The following MCTP2 variants were observed in gnomAD, a reference collection of about 807,000 sequenced individuals.
MCTP2 encodes multiple C2 and transmembrane domain-containing protein 2.
MCTP2 carries 132 observed loss-of-function variants against 111.6 expected under a neutral mutation model. The ratio of observed to expected loss-of-function variants is 1.18; its 90% CI spans 1.03 to 1.37. The LOEUF (loss-of-function observed/expected upper bound fraction) is 1.37. Ranked by LOEUF, MCTP2 falls within the 40% of genes most tolerant of loss-of-function variation. The pLI, the probability that MCTP2 is intolerant of heterozygous loss-of-function variation, is 0.00. For synonymous variants in MCTP2, 395 were observed against 387.7 expected, an observed-to-expected ratio of 1.02 and a Z score of -0.22; for missense variants, 1,183 against 1,067.9, an observed-to-expected ratio of 1.11 and a Z score of -1.50.
chr15:94,470,271 A>G, intron 20 of MCTP2, 62 bp from the exon 21 acceptor site: 2 of 1,175,062 alleles, frequency 1.7e-6, no homozygotes, highest in South Asian at 1.3e-5. Context: ...AAACATGACA[A>G]GTTGACTCTG....
chr15:94,239,264 T>C (rs1292663306), intron 1 of MCTP2, among the ~76,000 whole-genome samples: 1 of 152,230 alleles, frequency 6.6e-6, no homozygotes, highest in Non-Finnish European at 1.5e-5. Flanking sequence ...GTAAAAGATA[T>C]GTATATAGAT....
At chr15:94,390,068 ATATATATATATATATATATATG>A (rs2080804357) in intron 14 of MCTP2, among the ~76,000 whole-genome samples, 15 of 25,840 alleles carry the variant, frequency 5.8e-4, no homozygotes, top group African/African-American at 1.4e-3. Context: ...ATATATATAT[ATATATATATATATATATATATG>A]TATATATATA....
At chr15:94,242,371 T>G (rs1242477099) in intron 1 of MCTP2, among the ~76,000 whole-genome samples, 2 of 152,126 alleles carry the variant, frequency 1.3e-5, no homozygotes, top group Non-Finnish European at 2.9e-5. Context: ...ACTTCATAAA[T>G]GTCTATTATT....
intron 1 of MCTP2, among the ~76,000 whole-genome samples, chr15:94,245,956 A>T (rs2071968009): frequency 6.6e-6 from 1 of 152,020 alleles, no homozygotes; most frequent in Non-Finnish European, 1.5e-5. Context: ...TCATGAAAAG[A>T]TTATTAGTGG....
intron 1 of MCTP2, among the ~76,000 whole-genome samples, chr15:94,280,031 G>A (rs910999186): frequency 1.3e-5 from 2 of 151,870 alleles, no homozygotes; most frequent in African/African-American, 2.4e-5. Context: ...TTTTACACCC[G>A]TGTTCTTGAC....
intron 1 of MCTP2, among the ~76,000 whole-genome samples, chr15:94,251,469 C>T (rs1289667480): frequency 6.6e-6 from 1 of 152,052 alleles, no homozygotes; most frequent in Non-Finnish European, 1.5e-5. Context: ...AGCAATTCTC[C>T]TGCCTCGGCC....
At chr15:94,441,551 C>T (rs1480694886) in intron 18 of MCTP2, among the ~76,000 whole-genome samples, 1 of 152,156 alleles carries the variant, frequency 6.6e-6, no homozygotes, top group Non-Finnish European at 1.5e-5. Context: ...TACTGGCATA[C>T]ATGTGCATAT....
chr15:94,311,971 A>G (rs1302928532), intron 2 of MCTP2, among the ~76,000 whole-genome samples: 1 of 152,222 alleles, frequency 6.6e-6, no homozygotes, highest in African/African-American at 2.4e-5. Flanking sequence ...ATACAAGACC[A>G]TCATTATCCT....
chr15:94,412,835 A>G (rs999558672), intron 17 of MCTP2, among the ~76,000 whole-genome samples: 2 of 151,776 alleles, frequency 1.3e-5, no homozygotes, highest in African/African-American at 4.8e-5. Flanking sequence ...GGAAACTTTT[A>G]TAGGCTAATT....
At chr15:94,294,320 C>T (rs1412185247) in intron 1 of MCTP2, among the ~76,000 whole-genome samples, 1 of 151,864 alleles carries the variant, frequency 6.6e-6, no homozygotes, top group Non-Finnish European at 1.5e-5. Flanking sequence ...GAACTGTGCA[C>T]CAAAAGTGAG....
chr15:94,463,355 G>A (rs1460080771), intron 20 of MCTP2, among the ~76,000 whole-genome samples: 1 of 152,234 alleles, frequency 6.6e-6, no homozygotes, highest in Non-Finnish European at 1.5e-5. Context: ...ACTTGATAGT[G>A]TGGTGCTAGT....
chr15:94,233,349 A>G (rs965813968), intron 1 of MCTP2, among the ~76,000 whole-genome samples: 1 of 152,074 alleles, frequency 6.6e-6, no homozygotes, highest in Non-Finnish European at 1.5e-5. Context: ...ACATATTTTG[A>G]AAGGCCTGAT....
intron 17 of MCTP2, among the ~76,000 whole-genome samples, chr15:94,415,613 TAGGA>T (rs2082334730): frequency 6.6e-6 from 1 of 152,164 alleles, no homozygotes; most frequent in African/African-American, 2.4e-5. Context: ...AGGTGAACTT[TAGGA>T]TTCCCTCGGT....
intron 1 of MCTP2, among the ~76,000 whole-genome samples, chr15:94,292,521 G>A (rs1020454978): frequency 2.6e-5 from 4 of 152,150 alleles, no homozygotes; most frequent in African/African-American, 9.7e-5. Context: ...ATTTACAATA[G>A]CTTCAACAAA....
At chr15:94,313,974 G>GCTGCC (rs1488357363) in intron 2 of MCTP2, among the ~76,000 whole-genome samples, 1 of 152,256 alleles carries the variant, frequency 6.6e-6, no homozygotes, top group Non-Finnish European at 1.5e-5. Flanking sequence ...CAGTGGCTGT[G>GCTGCC]CTGCCCCGCT....
chr15:94,390,651 A>G (rs1361462796), intron 14 of MCTP2, among the ~76,000 whole-genome samples: 1 of 151,902 alleles, frequency 6.6e-6, no homozygotes, highest in African/African-American at 2.4e-5. Flanking sequence ...AAAAGCATGC[A>G]TATATTGGTA....
chr15:94,435,841 C>T lies in MCTP2; in HGVS notation c.2086-4335C>T, dbSNP rs995181835. Among the ~76,000 whole-genome samples the T allele has an allele frequency of 4.7e-5, 7 of 150,446 alleles. 1 individual carries two copies. In the East Asian group the frequency reaches 1.2e-3, roughly 25 times the overall value. ...AGAGACGGGGTTTCACCGTTTTAGC[C>T]GGGATGGTCTCGATCTCCTGACCTC... is the stretch of plus-strand genomic sequence containing the variant. On this transcript the variant is annotated intron_variant, in intron 17 of 22. Transcript: ENST00000357742.
chr15:94,411,644 T>C (rs1007379010), intron 17 of MCTP2, among the ~76,000 whole-genome samples: 5 of 152,230 alleles, frequency 3.3e-5, no homozygotes, highest in Non-Finnish European at 7.3e-5. Flanking sequence ...GTGTGTTTTG[T>C]TACTGCTCCC....
intron 17 of MCTP2, among the ~76,000 whole-genome samples, chr15:94,436,092 T>C (rs1208774727): frequency 1.3e-5 from 2 of 152,188 alleles, no homozygotes; most frequent in Non-Finnish European, 2.9e-5. Flanking sequence ...ACATACTGAA[T>C]GTGGGGTTTA....
Sources: gnomAD v4.1 joint callset for allele counts (sites outside exome capture counted in the v4.1 genomes callset) on GRCh38, gnomAD v4.1.1 for gene constraint, MANE v1.5 for transcripts, NCBI Gene and HGNC (gene_info 2026-07-23, HGNC 2026-07-21) for gene names.